Variants in CSMD1 observed in about 807,000 individuals in gnomAD.
The protein encoded by CSMD1 is CUB and Sushi multiple domains 1, also known as CUB and sushi domain-containing protein 1.
CSMD1 carries 213 observed loss-of-function variants against 417.5 expected under a neutral mutation model. The observed-to-expected ratio is 0.51, with a 90% confidence interval of 0.46 to 0.57. CSMD1 has a LOEUF of 0.57. Ranked by LOEUF, CSMD1 falls within the 20% of genes least tolerant of loss-of-function variation. The probability of loss-of-function intolerance (pLI) is 0.00; values close to 1 mark genes in which losing one functional copy is unlikely to be tolerated. For missense variants in CSMD1, 6,923 were observed against 4,529.7 expected (o/e 1.53, Z -15.17); for synonymous variants, 2,862 against 1,736.8 (o/e 1.65, Z -16.11).
At chr8:4,534,293 C>T (rs746488922) in intron 2 of CSMD1, among the ~76,000 whole-genome samples, 8 of 152,276 alleles carry the variant, frequency 5.3e-5, no homozygotes, top group South Asian at 2.1e-4. Context: ...GAGGCCAGCC[C>T]GACTCATATG....
chr8:3,873,200 T>C (rs1471442583), intron 5 of CSMD1, among the ~76,000 whole-genome samples: 1 of 152,162 alleles, frequency 6.6e-6, no homozygotes, highest in African/African-American at 2.4e-5. Context: ...ATCCCTTTAC[T>C]GGCTATGTAG....
Position 2,942,608 on chromosome 8 carries a change from T to C in CSMD1, c.10403-4A>G, listed in dbSNP as rs1019560333. The C allele has an allele frequency of 5.1e-6, 8 of 1,561,170 alleles. No homozygotes were observed. Among genetic ancestry groups the C allele is most frequent in the African/African-American group, 4.1e-5 (3 of 73,258 alleles). On this transcript the variant is annotated splice_polypyrimidine_tract_variant and splice_region_variant and intron_variant, in intron 68 of 69. Coordinates refer to ENST00000635120, the MANE Select transcript of CSMD1 (RefSeq NM_033225.6). ...TCTTGATCTGGGTTTAAAGGATCTG[T>C]AAGATAAAGGAAATATTAAATTTGT... is the stretch of plus-strand genomic sequence containing the variant.
intron 62 of CSMD1, among the ~76,000 whole-genome samples, chr8:2,959,485 G>C (rs963620877): frequency 6.6e-6 from 1 of 152,188 alleles, no homozygotes; most frequent in Non-Finnish European, 1.5e-5. Context: ...TAAACATGCT[G>C]ACATTCTCAG....
chr8:3,532,766 T>C (rs1798035482), intron 10 of CSMD1, among the ~76,000 whole-genome samples: 1 of 152,200 alleles, frequency 6.6e-6, no homozygotes, highest in Non-Finnish European at 1.5e-5. Context: ...GACAACATAA[T>C]AATGGTGAAG....
intron 5 of CSMD1, among the ~76,000 whole-genome samples, chr8:3,876,776 G>A (rs7832833): frequency 0.72 from 109,483 of 151,980 alleles, 39,896 homozygotes; most frequent in East Asian, 0.86. Context: ...GGCACAGCAA[G>A]TTTTTAAAAA....
chr8:4,274,026 A>T (rs938802341), intron 3 of CSMD1, among the ~76,000 whole-genome samples: 3 of 152,154 alleles, frequency 2.0e-5, no homozygotes, highest in Non-Finnish European at 4.4e-5. Context: ...ATTCTATGTC[A>T]CTTAAAATAA....
At chr8:4,640,172 G>A (rs1004080869) in intron 1 of CSMD1, among the ~76,000 whole-genome samples, 6 of 152,204 alleles carry the variant, frequency 3.9e-5, no homozygotes, top group Non-Finnish European at 7.3e-5. Flanking sequence ...GTACTAATGA[G>A]TACAGTGCAT....
chr8:3,137,425 G>T (rs1585443056), intron 41 of CSMD1, among the ~76,000 whole-genome samples: 1 of 152,370 alleles, frequency 6.6e-6, no homozygotes, highest in African/African-American at 2.4e-5. Context: ...GCTCACAGGT[G>T]TGCACTGGGG....
chr8:4,512,422 G>A (rs1802871871), intron 2 of CSMD1, among the ~76,000 whole-genome samples: 1 of 152,114 alleles, frequency 6.6e-6, no homozygotes, highest in Non-Finnish European at 1.5e-5. Context: ...CAACATCGTA[G>A]CTAATGCAAT....
At chr8:3,074,252 C>T (rs540367645) in intron 49 of CSMD1, among the ~76,000 whole-genome samples, 3 of 152,322 alleles carry the variant, frequency 2.0e-5, no homozygotes, top group South Asian at 2.1e-4. Flanking sequence ...CTTTCTCAGG[C>T]CTTCAATCTC....
intron 8 of CSMD1, among the ~76,000 whole-genome samples, chr8:3,611,439 T>C (rs936943322): frequency 5.9e-5 from 9 of 152,152 alleles, no homozygotes; most frequent in African/African-American, 1.7e-4. Flanking sequence ...CTCCTCTTAA[T>C]TTAAAGAACG....
intron 1 of CSMD1, among the ~76,000 whole-genome samples, chr8:4,644,217 CT>C (rs2130876002): frequency 6.6e-6 from 1 of 152,288 alleles, no homozygotes; most frequent in African/African-American, 2.4e-5. Context: ...AGTGTCACTT[CT>C]TTCCCTTCCT....
chr8:3,471,325 C>G (rs1309999533), intron 11 of CSMD1, among the ~76,000 whole-genome samples: 1 of 152,140 alleles, frequency 6.6e-6, no homozygotes, highest in Non-Finnish European at 1.5e-5. Flanking sequence ...TGAAAACTCT[C>G]TTGATATATT....
intron 23 of CSMD1, among the ~76,000 whole-genome samples, chr8:3,321,156 C>T (rs979917524): frequency 6.6e-6 from 1 of 152,062 alleles, no homozygotes; most frequent in Non-Finnish European, 1.5e-5. Flanking sequence ...TCAGGTGGGT[C>T]GAATCCTTTG....
intron 2 of CSMD1, among the ~76,000 whole-genome samples, chr8:4,547,917 C>T (rs1057331797): frequency 1.3e-5 from 2 of 151,884 alleles, no homozygotes; most frequent in South Asian, 2.1e-4. Context: ...AAATAAAGGC[C>T]GAGAAAACAA....
chr8:4,959,462 G>A (rs1237363595), intron 1 of CSMD1, among the ~76,000 whole-genome samples: 1 of 152,204 alleles, frequency 6.6e-6, no homozygotes, highest in Non-Finnish European at 1.5e-5. Context: ...TGCACAGAGA[G>A]GCAACGCCCT....
At chr8:4,080,931 T>A (rs896299965) in intron 3 of CSMD1, among the ~76,000 whole-genome samples, 1 of 152,166 alleles carries the variant, frequency 6.6e-6, no homozygotes, top group Non-Finnish European at 1.5e-5. Context: ...GTGAGGTGAT[T>A]AGGCTCTGGG....
At chr8:4,956,590 T>C (rs1809128690) in intron 1 of CSMD1, among the ~76,000 whole-genome samples, 1 of 150,562 alleles carries the variant, frequency 6.6e-6, no homozygotes, top group Non-Finnish European at 1.5e-5. Context: ...GTGTATATCA[T>C]CATAACAGAT....
chr8:4,724,510 T>TTA (rs35680832), intron 1 of CSMD1, among the ~76,000 whole-genome samples: 73,130 of 144,862 alleles, frequency 0.5, 20,214 homozygotes, highest in East Asian at 0.74. Context: ...TAGTAGCTCT[T>TTA]TATATATATA....
Sources: allele counts gnomAD v4.1 joint callset (sites outside exome capture counted in the v4.1 genomes callset), GRCh38; gene constraint gnomAD v4.1.1; transcripts MANE v1.5; gene names NCBI Gene and HGNC (gene_info 2026-07-23, HGNC 2026-07-21).